Variants in RPH3A observed in about 807,000 individuals in gnomAD.
RPH3A encodes the protein rabphilin-3A.
RPH3A carries 48 observed loss-of-function variants against 102.2 expected under a neutral mutation model. The ratio of observed to expected loss-of-function variants is 0.47; its 90% CI spans 0.37 to 0.60. The LOEUF (loss-of-function observed/expected upper bound fraction) is 0.60, where lower values mean the gene tolerates loss of function less well. Ranked by LOEUF, RPH3A falls within the 20% of genes least tolerant of loss-of-function variation. RPH3A has a pLI of 0.00. For missense variants in RPH3A, 781 were observed against 910.1 expected, an observed-to-expected ratio of 0.86 and a Z score of 1.83; for synonymous variants, 310 against 324.3, an observed-to-expected ratio of 0.96 and a Z score of 0.47.
At chr12:112,727,374 G>C (rs2040598042) in intron 1 of RPH3A, among the ~76,000 whole-genome samples, 2 of 131,312 alleles carry the variant, frequency 1.5e-5, no homozygotes, top group South Asian at 4.7e-4. Context: ...CTGGGCGACA[G>C]AGCAAGACTC....
At chr12:112,740,118 G>C (rs1034794636) in intron 1 of RPH3A, among the ~76,000 whole-genome samples, 1 of 152,158 alleles carries the variant, frequency 6.6e-6, no homozygotes, top group Non-Finnish European at 1.5e-5. Flanking sequence ...TTTTGACCGA[G>C]ACACCAGCTA....
intron 1 of RPH3A, among the ~76,000 whole-genome samples, chr12:112,735,804 A>T (rs995742004): frequency 1.2e-4 from 19 of 152,148 alleles, no homozygotes; most frequent in African/African-American, 4.1e-4. Flanking sequence ...ACTCTGCTCA[A>T]ATACCTTAAG....
At chr12:112,829,594 T>G (rs773614775) in intron 3 of RPH3A, among the ~76,000 whole-genome samples, 6 of 152,156 alleles carry the variant, frequency 3.9e-5, no homozygotes, top group Non-Finnish European at 8.8e-5. Context: ...TTAGCAAAAA[T>G]TTTTCCTTAT....
intron 1 of RPH3A, among the ~76,000 whole-genome samples, chr12:112,738,169 C>T (rs1389593731): frequency 2.7e-5 from 4 of 149,444 alleles, no homozygotes; most frequent in Non-Finnish European, 4.4e-5. Context: ...GTGTTCATTC[C>T]TCTTCTTTTA....
chr12:112,748,192 G>T (rs2040761292), intron 1 of RPH3A, among the ~76,000 whole-genome samples: 2 of 152,216 alleles, frequency 1.3e-5, no homozygotes, highest in African/African-American at 4.8e-5. Context: ...ACATGTCTGT[G>T]CAGTCATCCT....
At chr12:112,874,998 C>T in intron 10 of RPH3A, 86 bp from the exon 11 acceptor site, 6 of 1,167,602 alleles carry the variant, frequency 5.1e-6, no homozygotes, top group Non-Finnish European at 6.1e-6. Flanking sequence ...GGGCTCACCC[C>T]ACACCAGCTG....
At chr12:112,731,164 G>A (rs2040631352) in intron 1 of RPH3A, among the ~76,000 whole-genome samples, 2 of 151,600 alleles carry the variant, frequency 1.3e-5, no homozygotes, top group Admixed American at 1.3e-4. Flanking sequence ...GACGTTCTAA[G>A]TTCTATAGTT....
intron 12 of RPH3A, 26 bp from the exon 13 acceptor site, chr12:112,876,616 T>G: frequency 6.6e-7 from 1 of 1,505,824 alleles, no homozygotes. Flanking sequence ...TGCAGCTGCA[T>G]GTTTCCTGTC....
chr12:112,579,313 C>T (rs1682773621), intron 1 of RPH3A, among the ~76,000 whole-genome samples: 1 of 152,176 alleles, frequency 6.6e-6, no homozygotes, highest in African/African-American at 2.4e-5. Flanking sequence ...ATCACAGCTG[C>T]AGAGCTGGCT....
At chr12:112,838,352 T>G (rs370657544) in intron 4 of RPH3A, among the ~76,000 whole-genome samples, 3 of 152,242 alleles carry the variant, frequency 2.0e-5, no homozygotes, top group Admixed American at 6.5e-5. Context: ...CCGTTGGCAT[T>G]CTGAGGATGT....
intron 2 of RPH3A, among the ~76,000 whole-genome samples, chr12:112,794,819 C>T (rs147103577): frequency 5.9e-5 from 9 of 152,298 alleles, no homozygotes; most frequent in Admixed American, 2.0e-4. Flanking sequence ...AGGCATCATC[C>T]CCTCACTCCT....
chr12:112,895,696 C>T, intron 20 of RPH3A, 81 bp from the exon 21 acceptor site: 1 of 939,720 alleles, frequency 1.1e-6, no homozygotes. Context: ...TGGCCCATAA[C>T]CCCTAGGACT....
At chr12:112,648,570 C>CAAAAAAAAAAAAAAA (rs1167121829) in intron 1 of RPH3A, among the ~76,000 whole-genome samples, 419 of 11,044 alleles carry the variant, frequency 0.038, 195 homozygotes, top group Admixed American at 0.048. Context: ...CCCATCTCTA[C>CAAAAAAAAAAAAAAA]AAAAAAAAAA....
chr12:112,700,270 T>C (rs906483840), intron 1 of RPH3A, among the ~76,000 whole-genome samples: 1 of 152,178 alleles, frequency 6.6e-6, no homozygotes, highest in African/African-American at 2.4e-5. Flanking sequence ...GGTTTCATCA[T>C]GTTGGTCAGT....
At chr12:112,606,376 TTTTG>T (rs1476102369) in intron 1 of RPH3A, among the ~76,000 whole-genome samples, 3 of 152,002 alleles carry the variant, frequency 2.0e-5, no homozygotes, top group Non-Finnish European at 2.9e-5. Context: ...AAAATAGGGT[TTTTG>T]TTTGTTTGTT....
At chr12:112,695,330 A>G (rs1378106671) in intron 1 of RPH3A, among the ~76,000 whole-genome samples, 1 of 152,172 alleles carries the variant, frequency 6.6e-6, no homozygotes, top group Non-Finnish European at 1.5e-5. Context: ...TTGGAACTTC[A>G]TTTGGAAAGG....
At chr12:112,602,032 T>C (rs1436215503) in intron 1 of RPH3A, among the ~76,000 whole-genome samples, 1 of 152,216 alleles carries the variant, frequency 6.6e-6, no homozygotes, top group Non-Finnish European at 1.5e-5. Context: ...AGGCTCCCTC[T>C]GCAGAGGCAG....
rs73429007 is a variant in RPH3A, at chr12:112,867,901, C to A, written c.445-529C>A. ...TTGGTGGAGTCCAGTTAGTGCAGCC[C>A]ATACTGGTCAGCCTCCTGGGGCACA... On this transcript the variant is annotated intron_variant, in intron 7 of 21. Coordinates refer to ENST00000389385, the MANE Select transcript of RPH3A (RefSeq NM_001143854.2). Among the ~76,000 whole-genome samples the A allele has an allele frequency of 7.3e-3, 1,115 of 152,308 alleles. 12 individuals are homozygous for A. The highest frequency in any genetic ancestry group is 0.024 in the African/African-American group (985 of 41,558).
intron 1 of RPH3A, among the ~76,000 whole-genome samples, chr12:112,602,911 T>C (rs1422075898): frequency 6.6e-6 from 1 of 151,994 alleles, no homozygotes; most frequent in African/African-American, 2.4e-5. Flanking sequence ...GAGAAAAAAA[T>C]ATAAATGTAT....
Sources: allele counts gnomAD v4.1 joint callset (sites outside exome capture counted in the v4.1 genomes callset), GRCh38; gene constraint gnomAD v4.1.1; transcripts MANE v1.5; gene names NCBI Gene and HGNC (gene_info 2026-07-23, HGNC 2026-07-21).